Variants in IQCH observed in about 807,000 individuals in gnomAD.
IQCH encodes the protein IQ domain-containing protein H.
IQCH carries 98 observed loss-of-function variants against 117.0 expected under a neutral mutation model. The observed-to-expected ratio is 0.84, with a 90% CI of 0.71 to 0.99. IQCH has a LOEUF of 0.99. Ranked by LOEUF, IQCH falls within the 50% of genes least tolerant of loss-of-function variation. IQCH has a pLI of 0.00. For synonymous variants in IQCH, 412 were observed against 448.2 expected, an observed-to-expected ratio of 0.92 and a Z score of 1.02; for missense variants, 1,102 against 1,243.8, an observed-to-expected ratio of 0.89 and a Z score of 1.72.
intron 6 of IQCH, among the ~76,000 whole-genome samples, chr15:67,353,288 T>TA (rs1204467453): frequency 6.6e-6 from 1 of 151,422 alleles, no homozygotes; most frequent in African/African-American, 2.4e-5. Context: ...AAGCAGACAT[T>TA]AAGAAAGTAA....
At position 67,344,128 on chromosome 15, in the gene IQCH, C is replaced by G. The variant is rs1467192725; in HGVS notation, c.574C>G (p.Pro192Ala). The G allele has an allele frequency of 4.8e-5, 77 of 1,613,358 alleles. No individual in the cohort carries two copies. Among genetic ancestry groups the G allele is most frequent in the Non-Finnish European group, 6.4e-5 (75 of 1,179,486 alleles). Residue 192 changes from proline (P) to alanine (A), a missense_variant, in exon 6 of 21, where the codon CCC becomes GCC. Pro to Ala is a conservative substitution (Grantham distance 27, BLOSUM62 -1). Transcript: ENST00000335894. ...PTARITFQNP[P>A]ITPRAAPLHS... ...AGCAAGGATTACCTTTCAGAATCCA[C>G]CCATTACACCCAGAGCAGCTCCTCT... is the stretch of plus-strand genomic sequence containing the variant.
rs1971056582 is a variant in IQCH at position 67,384,851 on chromosome 15, G to C, written c.1373-85G>C. On this transcript the variant is annotated intron_variant, in intron 10 of 20. Transcript: ENST00000335894. This position sits in a 1 kb window ranked among gnomAD's most constrained non-coding sequence, Gnocchi z 4.3. The stretch of plus-strand genomic sequence containing the variant: ...GAGAAAATTTTTTCCTGGAAATATG[G>C]ACTGTGACATTTTGAAATTCTCTTG... The C allele has an allele frequency of 8.0e-6, 7 of 874,084 alleles. No individual in the cohort carries two copies. The Admixed American group carries it at 1.3e-4, about 16-fold the overall frequency. The allele number at this position is 874,084 out of a possible 1,614,324, so 54.1% of individuals were successfully genotyped here.
intron 4 of IQCH, among the ~76,000 whole-genome samples, chr15:67,283,970 A>T (rs1596097537): frequency 6.6e-6 from 1 of 152,198 alleles, no homozygotes; most frequent in East Asian, 1.9e-4. Context: ...TGGTATAGGC[A>T]TGCAATGCAT....
Position 67,346,320 on chromosome 15 carries a change from C to CA in IQCH, c.637+2136dup, listed in dbSNP as rs578243805. ...ATCAATAGAACTAGTAACCCCCCCCCAAAAAAATACTATAGAACAGTGGTC... is the reference window on the plus strand; with the variant it reads ...ATCAATAGAACTAGTAACCCCCCCCCAAAAAAAATACTATAGAACAGTGGTC... On this transcript the variant is annotated intron_variant, in intron 6 of 20. Coordinates refer to ENST00000335894, the MANE Select transcript of IQCH (RefSeq NM_001031715.3). Among the ~76,000 whole-genome samples the CA allele has an allele frequency of 1.4e-3, 217 of 151,766 alleles. 1 individual carries two copies. Among genetic ancestry groups the CA allele is most frequent in the African/African-American group, 4.9e-3 (202 of 41,374 alleles).
intron 13 of IQCH, among the ~76,000 whole-genome samples, chr15:67,397,100 T>G (rs1052266746): frequency 2.6e-5 from 4 of 152,240 alleles, no homozygotes; most frequent in Non-Finnish European, 4.4e-5. Flanking sequence ...AATATCTGGC[T>G]GTTATACTTA....
intron 16 of IQCH, among the ~76,000 whole-genome samples, chr15:67,444,990 A>G (rs1407018698): frequency 6.6e-6 from 1 of 152,216 alleles, no homozygotes; most frequent in Non-Finnish European, 1.5e-5. Context: ...CTATAGTAAT[A>G]TTTATTTTTA....
In IQCH at chr15:67,359,742, C is replaced by G; in HGVS notation, c.715-105C>G. 1.1e-6 allele frequency: 1 copy of G among 951,488 alleles called. No individual in the cohort carries two copies. Among genetic ancestry groups the G allele is most frequent in the Non-Finnish European group, 1.7e-6 (1 of 580,780 alleles). 58.9% of individuals were successfully genotyped at this position (951,488 alleles called of 1,614,324 possible). A position where few individuals can be genotyped will look rare whatever the true frequency, so the allele number is the denominator to read the frequency against. On this transcript the variant is annotated intron_variant, in intron 7 of 20. Coordinates refer to ENST00000335894, the MANE Select transcript of IQCH (RefSeq NM_001031715.3). The surrounding 1 kb of genome is among the most constrained non-coding windows in gnomAD (Gnocchi z 4.5). ...GGAAAGAGAGAACAGGCTGGCCCAG[C>G]GGGTAAAATGGGGAAGGGGGTGAGG...
At position 67,393,730 on chromosome 15, in the gene IQCH, G is replaced by A. The variant is rs1352356963; in HGVS notation, c.1633-1561G>A. Among the ~76,000 whole-genome samples the A allele has an allele frequency of 2.0e-5, 3 of 151,966 alleles. No individual in the cohort carries two copies. Among genetic ancestry groups the A allele is most frequent in the Non-Finnish European group, 4.4e-5 (3 of 68,028 alleles). On this transcript the variant is annotated intron_variant, in intron 12 of 20. Coordinates refer to ENST00000335894, the MANE Select transcript of IQCH (RefSeq NM_001031715.3). This position sits in a 1 kb window ranked among gnomAD's most constrained non-coding sequence, Gnocchi z 5.5. ...GGGTTTTGCCACGTTGCCCAGGCTG[G>A]TCTGAAAGTCCTGGGCTCAAGTGAT...
At position 67,490,136 on chromosome 15, in the gene IQCH, C is replaced by A; in HGVS notation, c.2861+72C>A. ...ACAATCACAACTAACAAGAATGATGCTTCTCATGCATTTTAATCAGCATGC... is the reference window on the plus strand; with the variant it reads ...ACAATCACAACTAACAAGAATGATGATTCTCATGCATTTTAATCAGCATGC... On this transcript the variant is annotated intron_variant, in intron 19 of 20. Coordinates refer to ENST00000335894, the MANE Select transcript of IQCH (RefSeq NM_001031715.3). The surrounding 1 kb of genome is among the most constrained non-coding windows in gnomAD (Gnocchi z 4.9). The A allele has an allele frequency of 3.0e-6, 3 of 997,076 alleles. No individual in the cohort carries two copies. The highest frequency in any genetic ancestry group is 4.8e-6 in the Non-Finnish European group (3 of 631,110). The allele number at this position is 997,076 out of a possible 1,614,324, so 61.8% of individuals were successfully genotyped here.
At chr15:67,306,469 C>T (rs919406088) in intron 4 of IQCH, among the ~76,000 whole-genome samples, 1 of 152,086 alleles carries the variant, frequency 6.6e-6, no homozygotes, top group African/African-American at 2.4e-5. Flanking sequence ...GAAACTTGAT[C>T]AGCTTGTCAA....
At chr15:67,495,034 T>G (rs192904338) in intron 20 of IQCH, among the ~76,000 whole-genome samples, 2 of 152,328 alleles carry the variant, frequency 1.3e-5, no homozygotes, top group East Asian at 3.9e-4. Context: ...ACAGAGATGA[T>G]CACGTGGTAT....
chr15:67,319,096 G>A (rs976665227), intron 4 of IQCH, among the ~76,000 whole-genome samples: 2 of 152,004 alleles, frequency 1.3e-5, no homozygotes, highest in Non-Finnish European at 2.9e-5. Context: ...GCGTGGTGGC[G>A]GGTGCCTGTA....
Position 67,390,263 on chromosome 15 carries a change from A to T in IQCH, c.1632+1257A>T, listed in dbSNP as rs1971242056. ...GGCCTCAATGACATAGTTACTATGG[A>T]CATTAGGGTGCAAGGAAGAAAAAGA... On this transcript the variant is annotated intron_variant, in intron 12 of 20. Coordinates refer to ENST00000335894, the MANE Select transcript of IQCH (RefSeq NM_001031715.3). This position sits in a 1 kb window ranked among gnomAD's most constrained non-coding sequence, Gnocchi z 5.0. Among the ~76,000 whole-genome samples the T allele has an allele frequency of 6.6e-6, 1 of 152,168 alleles. No individual in the cohort carries two copies. Among genetic ancestry groups the T allele is most frequent in the African/African-American group, 2.4e-5 (1 of 41,442 alleles).
chr15:67,492,979 T>C (rs2083701479), intron 19 of IQCH, among the ~76,000 whole-genome samples: 1 of 152,178 alleles, frequency 6.6e-6, no homozygotes, highest in East Asian at 1.9e-4. Flanking sequence ...TGCCCAGCTG[T>C]CCCTACACCT....
At chr15:67,318,520 G>A (rs561930441) in intron 4 of IQCH, among the ~76,000 whole-genome samples, 1 of 152,224 alleles carries the variant, frequency 6.6e-6, no homozygotes, top group East Asian at 1.9e-4. Context: ...GGTTTTATTT[G>A]GTTTGCATGG....
rs984722633 is a variant in IQCH, at chr15:67,481,815, G to C, written c.2799+5997G>C. 2.0e-5 allele frequency among the ~76,000 whole-genome samples: 3 copies of C among 152,234 alleles called. No individual in the cohort carries two copies. Among genetic ancestry groups the C allele is most frequent in the Non-Finnish European group, 4.4e-5 (3 of 68,040 alleles). On this transcript the variant is annotated intron_variant, in intron 18 of 20. Coordinates refer to ENST00000335894, the MANE Select transcript of IQCH (RefSeq NM_001031715.3). The surrounding 1 kb of genome is among the most constrained non-coding windows in gnomAD (Gnocchi z 4.1). ...CAGATTAGAAACCAACTAAGTTCTT[G>C]AAAGAACTCAACATCAAGAGAAATC...
intron 15 of IQCH, among the ~76,000 whole-genome samples, chr15:67,420,093 A>G (rs1173037191): frequency 1.3e-5 from 2 of 152,238 alleles, no homozygotes; most frequent in Non-Finnish European, 2.9e-5. Context: ...TGTAGCACAC[A>G]CGAGTAGGCC....
chr15:67,442,817 GAGATAGAT>G (rs201394285), intron 16 of IQCH, among the ~76,000 whole-genome samples: 11,056 of 138,124 alleles, frequency 0.08, 520 homozygotes, highest in Admixed American at 0.15. Flanking sequence ...AAGAAACTGT[GAGATAGAT>G]AGATAGATAG....
chr15:67,387,737 C>G lies in IQCH; in HGVS notation c.1457-1094C>G, dbSNP rs569151427. Among the ~76,000 whole-genome samples the G allele has an allele frequency of 1.6e-4, 25 of 152,284 alleles. No homozygotes were observed. The highest frequency in any genetic ancestry group is 3.5e-4 in the Non-Finnish European group (24 of 68,020). On this transcript the variant is annotated intron_variant, in intron 11 of 20. Coordinates refer to ENST00000335894, the MANE Select transcript of IQCH (RefSeq NM_001031715.3). The surrounding 1 kb of genome is among the most constrained non-coding windows in gnomAD (Gnocchi z 4.8). ...TATATCTTCACTCATTTAATAGTGT[C>G]TAAAACTCTATGCCCCAGGTGGTTT...
Sources: gnomAD v4.1 joint callset for allele counts (sites outside exome capture counted in the v4.1 genomes callset) on GRCh38, gnomAD v4.1.1 for gene constraint, Gnocchi (gnomAD v3.1) non-coding constraint, MANE v1.5 for transcripts, NCBI Gene and HGNC (gene_info 2026-07-23, HGNC 2026-07-21) for gene names.